The following MYO3A variants were observed in gnomAD, a reference collection of about 807,000 sequenced individuals.
MYO3A encodes the protein myosin-IIIa.
A neutral mutation model predicts 192.7 loss-of-function variants in MYO3A; 180 were observed. The observed-to-expected ratio is 0.93, with a 90% CI of 0.83 to 1.06. The LOEUF is 1.06. Among genes scored for constraint, MYO3A ranks in the 50% least tolerant of loss-of-function variants. The pLI is 0.00. For synonymous variants in MYO3A, 628 were observed against 645.3 expected (o/e 0.97, Z 0.41); for missense variants, 1,896 against 1,905.0 (o/e 1.00, Z 0.09).
chr10:26,210,765 T>G (rs1252412073), intron 34 of MYO3A, among the ~76,000 whole-genome samples: 1 of 152,184 alleles, frequency 6.6e-6, no homozygotes, highest in Non-Finnish European at 1.5e-5. Context: ...TCTCGCTTAC[T>G]CTTTTCAAGC....
At chr10:26,201,146 C>A in intron 32 of MYO3A, 119 bp from the exon 33 acceptor site, 2 of 391,348 alleles carry the variant, frequency 5.1e-6, no homozygotes, top group South Asian at 9.5e-5. Flanking sequence ...TATCCACTTG[C>A]TTATTTCTAA....
At position 26,088,241 on chromosome 10, in the gene MYO3A, G is replaced by A; in HGVS notation, c.1398G>A (p.Val466=). The part of the protein sequence containing the change: ...NRTLQEKILQ[V]NNLVEAFGNA... ...CCTTGCAAGAGAAGATTTTACAAGT[G>A]AACAATTTGGTAGAAGCCTTTGGCA... The change falls in exon 15 of 35, where the codon GTG becomes GTA. Residue 466 remains valine, a synonymous_variant. Coordinates refer to ENST00000642920, the MANE Select transcript of MYO3A (RefSeq NM_017433.5). The A allele has an allele frequency of 1.2e-6, 2 of 1,612,836 alleles. No homozygotes were observed. The highest frequency in any genetic ancestry group is 1.7e-6 in the Non-Finnish European group (2 of 1,179,448).
chr10:26,035,769 G>A (rs550317551), intron 10 of MYO3A, among the ~76,000 whole-genome samples: 49 of 152,224 alleles, frequency 3.2e-4, no homozygotes, highest in South Asian at 1.7e-3. Context: ...AGAAGTTGGC[G>A]GTCACAAAAC....
At position 25,935,771 on chromosome 10, in the gene MYO3A, C is replaced by G. The variant is rs1337342915; in HGVS notation, c.-77C>G. ...CCAGGGCCCCAGTGCAGCCTGGACACAGTATTCAAAGTTTTGGCGTCTGAG... is the reference window on the plus strand; with the variant it reads ...CCAGGGCCCCAGTGCAGCCTGGACAGAGTATTCAAAGTTTTGGCGTCTGAG... On this transcript the variant is annotated 5_prime_UTR_variant, in exon 2 of 35. Transcript: ENST00000642920. 4 of 152,146 alleles carry G rather than the reference C, an allele frequency of 2.6e-5. No individual in the cohort carries two copies. The highest frequency in any genetic ancestry group is 9.7e-5 in the African/African-American group (4 of 41,430). 9.4% of individuals were successfully genotyped at this position (152,146 alleles called of 1,614,324 possible). A position where few individuals can be genotyped will look rare whatever the true frequency, so the allele number is the denominator to read the frequency against.
At chr10:25,995,010 G>C (rs12263784) in intron 4 of MYO3A, among the ~76,000 whole-genome samples, 5 of 152,232 alleles carry the variant, frequency 3.3e-5, no homozygotes, top group South Asian at 4.1e-4. Flanking sequence ...TTCTCGAGGA[G>C]TATCTTTGTG....
chr10:26,010,501 T>C (rs565909451), intron 6 of MYO3A, among the ~76,000 whole-genome samples: 12 of 151,282 alleles, frequency 7.9e-5, no homozygotes, highest in African/African-American at 2.7e-4. Context: ...TCTTGCTCTG[T>C]TGCCCAGGCT....
At chr10:25,974,524 C>A (rs3121076) in intron 4 of MYO3A, among the ~76,000 whole-genome samples, 150,757 of 152,246 alleles carry the variant, frequency 0.99, 74,693 homozygotes, top group Middle Eastern at 1. Context: ...CCCTCTGGGC[C>A]AACTCTCTGA....
chr10:26,080,072 C>T (rs1379326496), intron 14 of MYO3A, among the ~76,000 whole-genome samples: 1 of 152,154 alleles, frequency 6.6e-6, no homozygotes, highest in Non-Finnish European at 1.5e-5. Context: ...GTCTAGGTCT[C>T]TAGCAAGGAC....
At chr10:26,145,556 G>T in intron 22 of MYO3A, 22 bp downstream of exon 22, 1 of 1,512,384 alleles carries the variant, frequency 6.6e-7, no homozygotes, top group Non-Finnish European at 9.2e-7. Context: ...AAAGAATTAT[G>T]ACTGAGTTTC....
intron 6 of MYO3A, among the ~76,000 whole-genome samples, chr10:25,999,919 A>C (rs1443103683): frequency 6.6e-6 from 1 of 152,172 alleles, no homozygotes; most frequent in Admixed American, 6.6e-5. Flanking sequence ...AGATATCGCC[A>C]AATTCCATCT....
At chr10:26,121,000 T>C (rs998774645) in intron 18 of MYO3A, among the ~76,000 whole-genome samples, 198 bp downstream of exon 18, 14 of 152,166 alleles carry the variant, frequency 9.2e-5, no homozygotes, top group Admixed American at 1.3e-4. Context: ...AACTGATTAC[T>C]GTAGAACACA....
intron 10 of MYO3A, among the ~76,000 whole-genome samples, chr10:26,035,808 T>C (rs1309601743): frequency 6.6e-6 from 1 of 152,236 alleles, no homozygotes; most frequent in Non-Finnish European, 1.5e-5. Context: ...TGAGCCACTT[T>C]GTATGGTTTA....
At position 26,193,193 on chromosome 10, in the gene MYO3A, C is replaced by T. The variant is rs201689300; in HGVS notation, c.4439-12C>T. 330 of 1,582,256 alleles carry T rather than the reference C, an allele frequency of 2.1e-4. No individual in the cohort carries two copies. The African/African-American group carries it at 4.0e-3, about 19-fold the overall frequency. ...GTAATTAAATACTTGTTTATGATCA[C>T]CTTTCTTATAGGTGTCTGTAAAGGA... On this transcript the variant is annotated splice_polypyrimidine_tract_variant and intron_variant, in intron 31 of 34. Transcript: ENST00000642920.
intron 15 of MYO3A, among the ~76,000 whole-genome samples, chr10:26,090,029 G>T (rs1564537549): frequency 6.6e-6 from 1 of 152,204 alleles, no homozygotes; most frequent in Non-Finnish European, 1.5e-5. Flanking sequence ...GTGGACATGT[G>T]TGTCAGTGCC....
intron 25 of MYO3A, among the ~76,000 whole-genome samples, chr10:26,156,789 G>A (rs1037798961): frequency 3.9e-5 from 6 of 152,056 alleles, no homozygotes; most frequent in Non-Finnish European, 7.4e-5. Context: ...ATTTCATCAT[G>A]CAGGTATTAA....
intron 28 of MYO3A, among the ~76,000 whole-genome samples, chr10:26,169,749 T>C (rs1012921102): frequency 7.9e-5 from 12 of 152,318 alleles, no homozygotes; most frequent in Middle Eastern, 6.8e-3. Flanking sequence ...AACTTCTCAC[T>C]GAGAAATCAA....
intron 4 of MYO3A, among the ~76,000 whole-genome samples, chr10:25,980,591 G>T (rs2130792949): frequency 6.6e-6 from 1 of 152,232 alleles, no homozygotes; most frequent in Non-Finnish European, 1.5e-5. Context: ...TGAGTAGAAT[G>T]ATTTCATTCT....
chr10:26,159,490 C>T (rs559319312), intron 26 of MYO3A, among the ~76,000 whole-genome samples: 13 of 151,476 alleles, frequency 8.6e-5, no homozygotes, highest in Admixed American at 7.9e-4. Context: ...CGCCATTCTC[C>T]TGCCTCAGCC....
chr10:26,187,720 C>G (rs1269937138), intron 31 of MYO3A, among the ~76,000 whole-genome samples: 2 of 147,080 alleles, frequency 1.4e-5, no homozygotes, highest in African/African-American at 5.0e-5. Flanking sequence ...CAATTCCCAC[C>G]TGTGAGTGAG....
Sources: gnomAD v4.1 joint callset for allele counts (sites outside exome capture counted in the v4.1 genomes callset) on GRCh38, gnomAD v4.1.1 for gene constraint, MANE v1.5 for transcripts, NCBI Gene and HGNC (gene_info 2026-07-23, HGNC 2026-07-21) for gene names.